Variants in SNX10 observed in about 807,000 individuals in gnomAD.
SNX10 encodes the protein sorting nexin-10.
In SNX10, 25 loss-of-function variants were observed where a neutral mutation model predicts 28.5. That is an observed-to-expected ratio of 0.88 (90% CI 0.64 to 1.22). The LOEUF (loss-of-function observed/expected upper bound fraction) is 1.22, where lower values mean the gene tolerates loss of function less well. Among genes scored for constraint, SNX10 ranks in the 50% most tolerant of loss-of-function variants. The probability of loss-of-function intolerance (pLI) is 0.00; values close to 1 mark genes in which losing one functional copy is unlikely to be tolerated. For synonymous variants in SNX10, 62 were observed against 81.4 expected (o/e 0.76, Z 1.28); for missense variants, 223 against 242.6 (o/e 0.92, Z 0.54).
chr7:26,350,413 A>G (rs961919343), intron 2 of SNX10, among the ~76,000 whole-genome samples: 2 of 152,150 alleles, frequency 1.3e-5, no homozygotes, highest in Non-Finnish European at 2.9e-5. Context: ...CCCTAAGGTT[A>G]ATATTAATAT....
chr7:26,293,065 G>A (rs1195502540), intron 1 of SNX10: 1 of 152,286 alleles, frequency 6.6e-6, no homozygotes, highest in African/African-American at 2.4e-5. Context: ...TAGTTGACCA[G>A]CTTCTGCAGG....
intron 1 of SNX10, among the ~76,000 whole-genome samples, chr7:26,315,600 G>A (rs1480706171): frequency 1.3e-5 from 2 of 151,742 alleles, no homozygotes; most frequent in Non-Finnish European, 2.9e-5. Flanking sequence ...CCCAGGAGGC[G>A]GAGGTTGCAG....
intron 2 of SNX10, chr7:26,354,055 A>G (rs1260574117): frequency 6.6e-6 from 1 of 152,250 alleles, no homozygotes; most frequent in Non-Finnish European, 1.5e-5. Context: ...ATATTTTTAC[A>G]GTTAACACCT....
chr7:26,320,037 A>G (rs1471702042), intron 1 of SNX10, among the ~76,000 whole-genome samples: 1 of 152,078 alleles, frequency 6.6e-6, no homozygotes, highest in African/African-American at 2.4e-5. Context: ...GCCAGAGTGC[A>G]GTGGTGCAAT....
intron 2 of SNX10, among the ~76,000 whole-genome samples, chr7:26,360,136 A>G (rs1789006510): frequency 1.3e-5 from 2 of 152,266 alleles, no homozygotes; most frequent in African/African-American, 2.4e-5. Flanking sequence ...ATTATGTAAA[A>G]GAAGGTGTTC....
At position 26,366,634 on chromosome 7, in the gene SNX10, A is replaced by G. The variant is rs1789300184; in HGVS notation, c.311+1489A>G. Among the ~76,000 whole-genome samples the G allele has an allele frequency of 2.0e-5, 3 of 152,216 alleles. No individual in the cohort carries two copies. In the South Asian group the frequency reaches 6.2e-4, roughly 31 times the overall value. Reference sequence around the variant, plus strand: ...TCCCTTGAGATGTGGTCCCTGCCACACAATTCTACAGAATTGCCTGTCACT... The same window carrying G: ...TCCCTTGAGATGTGGTCCCTGCCACGCAATTCTACAGAATTGCCTGTCACT... On this transcript the variant is annotated intron_variant, in intron 5 of 6. Transcript: ENST00000338523.
chr7:26,372,090 C>CATATGCACGTGTATAGATAT (rs1789573391), intron 6 of SNX10, 57 bp downstream of exon 6: 1 of 1,115,012 alleles, frequency 9.0e-7, no homozygotes, highest in Non-Finnish European at 1.3e-6. Context: ...ATAGTATGCA[C>CATATGCACGTGTATAGATAT]ATATGCACGT....
At chr7:26,357,701 G>A (rs991911713) in intron 2 of SNX10, among the ~76,000 whole-genome samples, 3 of 152,182 alleles carry the variant, frequency 2.0e-5, no homozygotes, top group African/African-American at 4.8e-5. Context: ...AGTTGTCAGT[G>A]GTTCCAAGGA....
intron 1 of SNX10, among the ~76,000 whole-genome samples, chr7:26,295,432 C>T (rs1000521315): frequency 1.3e-4 from 20 of 152,080 alleles, no homozygotes; most frequent in African/African-American, 4.6e-4. Context: ...CAGATTCTTA[C>T]GTGGTCACCC....
At chr7:26,305,997 C>G (rs943346484) in intron 1 of SNX10, among the ~76,000 whole-genome samples, 1 of 152,126 alleles carries the variant, frequency 6.6e-6, no homozygotes. Context: ...CAGGGTTAAA[C>G]GATTCTCGTG....
At chr7:26,336,531 C>T (rs1443017096) in intron 1 of SNX10, among the ~76,000 whole-genome samples, 2 of 152,100 alleles carry the variant, frequency 1.3e-5, no homozygotes, top group African/African-American at 4.8e-5. Context: ...TGGTGAAACC[C>T]CGTCTCTACT....
intron 1 of SNX10, among the ~76,000 whole-genome samples, chr7:26,320,242 A>G (rs1256509624): frequency 6.6e-6 from 1 of 151,886 alleles, no homozygotes; most frequent in Non-Finnish European, 1.5e-5. Context: ...TCGCCCTCCC[A>G]AAGTATTGAG....
chr7:26,320,143 G>A (rs1787255399), intron 1 of SNX10, among the ~76,000 whole-genome samples: 1 of 151,400 alleles, frequency 6.6e-6, no homozygotes, highest in African/African-American at 2.4e-5. Flanking sequence ...CAGCACAACC[G>A]GCTAGTTTTC....
intron 1 of SNX10, among the ~76,000 whole-genome samples, chr7:26,330,205 T>G (rs1389277644): frequency 7.9e-6 from 1 of 127,156 alleles, no homozygotes; most frequent in Non-Finnish European, 1.8e-5. Context: ...AGGCCCTCCT[T>G]GTAGGAGGTC....
intron 3 of SNX10, among the ~76,000 whole-genome samples, chr7:26,363,316 G>A (rs982017122): frequency 5.9e-5 from 9 of 152,176 alleles, no homozygotes; most frequent in African/African-American, 2.2e-4. Context: ...AGCATACCAG[G>A]AACCATGTCA....
At chr7:26,333,235 C>T (rs1261187552) in intron 1 of SNX10, among the ~76,000 whole-genome samples, 1 of 151,148 alleles carries the variant, frequency 6.6e-6, no homozygotes, top group Non-Finnish European at 1.5e-5. Context: ...TTATTTTGAT[C>T]TCTTAATTTT....
chr7:26,362,554 A>G (rs1428808118), intron 3 of SNX10, among the ~76,000 whole-genome samples: 4 of 152,222 alleles, frequency 2.6e-5, no homozygotes, highest in Non-Finnish European at 5.9e-5. Context: ...CTTGGTGGAC[A>G]GCAAAAACAA....
At chr7:26,339,062 C>T (rs1788067397) in intron 1 of SNX10, among the ~76,000 whole-genome samples, 1 of 152,188 alleles carries the variant, frequency 6.6e-6, no homozygotes, top group Non-Finnish European at 1.5e-5. Flanking sequence ...TCTGCAAAGG[C>T]AGACTGGACC....
intron 5 of SNX10, among the ~76,000 whole-genome samples, chr7:26,368,432 G>A (rs1392525217): frequency 1.3e-5 from 2 of 152,054 alleles, no homozygotes; most frequent in East Asian, 3.8e-4. Flanking sequence ...AAAGTTATAG[G>A]CTAAAAAATA....
Sources: gnomAD v4.1 joint callset for allele counts (sites outside exome capture counted in the v4.1 genomes callset) on GRCh38, gnomAD v4.1.1 for gene constraint, MANE v1.5 for transcripts, NCBI Gene and HGNC (gene_info 2026-07-23, HGNC 2026-07-21) for gene names.